Variants in PKHD1L1 observed in about 807,000 individuals in gnomAD.
PKHD1L1 encodes fibrocystin-L.
PKHD1L1 carries 434 observed loss-of-function variants against 462.9 expected under a neutral mutation model. The observed-to-expected ratio is 0.94, with a 90% CI of 0.87 to 1.02. The LOEUF (loss-of-function observed/expected upper bound fraction) is 1.02, where lower values mean the gene tolerates loss of function less well. PKHD1L1 is among the 50% of genes least tolerant of loss of function. PKHD1L1 has a pLI of 0.00. For missense variants in PKHD1L1, 5,202 were observed against 5,096.1 expected, an observed-to-expected ratio of 1.02 and a Z score of -0.63; for synonymous variants, 1,781 against 1,750.0, an observed-to-expected ratio of 1.02 and a Z score of -0.44.
chr8:109,487,031 C>T (rs979205014), intron 59 of PKHD1L1, among the ~76,000 whole-genome samples: 4 of 151,934 alleles, frequency 2.6e-5, no homozygotes, highest in African/African-American at 9.7e-5. Flanking sequence ...AATGAATTAT[C>T]AAATTAACAA....
chr8:109,432,781 A>G (rs568412748), intron 27 of PKHD1L1, among the ~76,000 whole-genome samples: 31 of 152,342 alleles, frequency 2.0e-4, no homozygotes, highest in African/African-American at 6.3e-4. Context: ...AAGTTACCAT[A>G]TAGAGATGTC....
At chr8:109,385,727 G>T in intron 6 of PKHD1L1, 97 bp downstream of exon 6, 6 of 680,208 alleles carry the variant, frequency 8.8e-6, no homozygotes, top group African/African-American at 1.9e-5. Flanking sequence ...CCATTACAAT[G>T]TAATATAACT....
chr8:109,468,464 C>T (rs889333574), intron 50 of PKHD1L1, among the ~76,000 whole-genome samples: 2 of 152,122 alleles, frequency 1.3e-5, no homozygotes, highest in Non-Finnish European at 2.9e-5. Context: ...TTTCTGATGC[C>T]GTAAGACTCA....
chr8:109,455,379 A>G (rs1816762275), intron 45 of PKHD1L1, among the ~76,000 whole-genome samples: 1 of 152,040 alleles, frequency 6.6e-6, no homozygotes, highest in Admixed American at 6.6e-5. Flanking sequence ...AAAACCAAAA[A>G]AACTCAGAAC....
At chr8:109,426,144 C>G (rs1814734682) in intron 24 of PKHD1L1, among the ~76,000 whole-genome samples, 1 of 152,194 alleles carries the variant, frequency 6.6e-6, no homozygotes, top group Non-Finnish European at 1.5e-5. Flanking sequence ...GCTTTATCCA[C>G]TACACTGGTG....
At chr8:109,401,293 G>A (rs115086758) in intron 13 of PKHD1L1, among the ~76,000 whole-genome samples, 2,031 of 150,570 alleles carry the variant, frequency 0.013, 41 homozygotes, top group African/African-American at 0.039. Flanking sequence ...GTGAATGGTA[G>A]AAGGAATGAA....
chr8:109,404,529 A>G (rs1171642903), intron 14 of PKHD1L1, 25 bp from the exon 15 acceptor site: 17 of 1,419,540 alleles, frequency 1.2e-5, no homozygotes, highest in Non-Finnish European at 1.6e-5. Context: ...AAAAAGTTAT[A>G]TTCATTAGTT....
At chr8:109,423,981 T>TACC (rs1814609834) in intron 23 of PKHD1L1, among the ~76,000 whole-genome samples, 1 of 152,206 alleles carries the variant, frequency 6.6e-6, no homozygotes, top group Non-Finnish European at 1.5e-5. Flanking sequence ...GTAATTGATT[T>TACC]TTGTGTCTTT....
rs753156481 is a variant in PKHD1L1 at position 109,389,130 on chromosome 8, T to G, written c.675T>G (p.Cys225Trp). The G allele has an allele frequency of 6.2e-7, 1 of 1,610,700 alleles. No individual in the cohort carries two copies. Among genetic ancestry groups the G allele is most frequent in the Admixed American group, 1.7e-5 (1 of 59,786 alleles). ...ATGGAGATATGGGTTCTATGGTTTG[T>G]AAGACGACTGGAACTTTTATTGGCA... ...HPNGDMGSMV[C>W]KTTGTFIGHH... Residue 225 changes from cysteine to tryptophan, a missense_variant, in exon 8 of 78, where the codon TGT becomes TGG. Cys to Trp is a radical substitution (Grantham distance 215, BLOSUM62 -2). Coordinates refer to ENST00000378402, the MANE Select transcript of PKHD1L1 (RefSeq NM_177531.6).
At chr8:109,467,763 C>A (rs1817525882) in intron 50 of PKHD1L1, among the ~76,000 whole-genome samples, 1 of 152,078 alleles carries the variant, frequency 6.6e-6, no homozygotes, top group South Asian at 2.1e-4. Context: ...ATTGATGAAT[C>A]AAAGATTTGC....
At position 109,381,433 on chromosome 8, in the gene PKHD1L1, A is replaced by G; in HGVS notation, c.227A>G (p.Gln76Arg). 1 of 1,584,008 alleles carries G rather than the reference A, an allele frequency of 6.3e-7. No homozygotes were observed. The highest frequency in any genetic ancestry group is 8.6e-7 in the Non-Finnish European group (1 of 1,163,120). The change falls in exon 3 of 78, where the codon CAA (glutamine) becomes CGA (arginine). Residue 76 changes from glutamine to arginine, a missense_variant. Coordinates refer to ENST00000378402, the MANE Select transcript of PKHD1L1 (RefSeq NM_177531.6). ...AACGCTGAGTTGGGAAACAGTGTGC[A>G]ATTAATTTCTTCTTTCCAGTCAATT... Reference protein sequence around the residue: ...VDNAELGNSVQLISSFQSITC... With the variant: ...VDNAELGNSVRLISSFQSITC...
intron 39 of PKHD1L1, 55 bp from the exon 40 acceptor site, chr8:109,449,283 A>T: frequency 6.7e-7 from 1 of 1,482,586 alleles, no homozygotes; most frequent in Non-Finnish European, 9.0e-7. Context: ...ATATGTACAC[A>T]GAAGAAGTTT....
At position 109,522,253 on chromosome 8, in the gene PKHD1L1, C is replaced by T. The variant is rs1244610136; in HGVS notation, c.12099C>T (p.Asn4033=). 2 of 1,603,446 alleles carry T rather than the reference C, an allele frequency of 1.2e-6. No individual in the cohort carries two copies. Among genetic ancestry groups the T allele is most frequent in the South Asian group, 1.1e-5 (1 of 90,726 alleles). The change falls in exon 74 of 78, where the codon AAC becomes AAT. Residue 4033 remains asparagine (N), a synonymous_variant. Coordinates refer to ENST00000378402, the MANE Select transcript of PKHD1L1 (RefSeq NM_177531.6). ...GSLGQAVILG[N]ISSILGFNIS... ...TTGGACAAGCTGTAATTTTAGGAAA[C>T]ATCAGTAGTATCCTTGGATTTAACA...
At chr8:109,452,387 C>G in intron 42 of PKHD1L1, 107 bp downstream of exon 42, 5 of 1,059,570 alleles carry the variant, frequency 4.7e-6, no homozygotes, top group South Asian at 3.5e-5. Flanking sequence ...AAAAAAATAA[C>G]TGAGCTGTGA....
Position 109,400,321 on chromosome 8 carries a change from C to T in PKHD1L1, c.1258C>T (p.Gln420Ter), listed in dbSNP as rs1813209703. Residue 420 changes from glutamine to a stop codon, truncating the protein, a stop_gained, in exon 13 of 78, where the codon CAG (glutamine) becomes TAG (stop). Coordinates refer to ENST00000378402, the MANE Select transcript of PKHD1L1 (RefSeq NM_177531.6). LOFTEE classifies it high-confidence loss of function. The part of the protein sequence containing the change: ...GDDRYAIYFS[Q>*]TGLPEDKVRI... The stretch of plus-strand genomic sequence containing the variant: ...TGACCGTTATGCTATTTATTTTAGC[C>T]AGACTGGACTTCCAGAAGATAAGGT... 6.2e-7 allele frequency: 1 copy of T among 1,613,076 alleles called. No homozygotes were observed. The highest frequency in any genetic ancestry group is 1.3e-5 in the African/African-American group (1 of 74,960).
At chr8:109,390,673 C>A (rs931038031) in intron 9 of PKHD1L1, among the ~76,000 whole-genome samples, 179 bp downstream of exon 9, 9 of 152,070 alleles carry the variant, frequency 5.9e-5, no homozygotes, top group African/African-American at 2.2e-4. Flanking sequence ...TCATACATAA[C>A]CTTTCTGTTG....
Position 109,518,387 on chromosome 8 carries a change from T to C in PKHD1L1, c.11910T>C (p.Ser3970=), listed in dbSNP as rs1242169769. 6 of 1,613,190 alleles carry C rather than the reference T, an allele frequency of 3.7e-6. No homozygotes were observed. The highest frequency in any genetic ancestry group is 5.1e-6 in the Non-Finnish European group (6 of 1,179,548). The change falls in exon 73 of 78, where the codon AGT becomes AGC. Residue 3970 remains serine (S), a synonymous_variant. Coordinates refer to ENST00000378402, the MANE Select transcript of PKHD1L1 (RefSeq NM_177531.6). ...KNLALFLKIP[S]DKIRISKIRG... is the part of the protein sequence containing the mutation. The stretch of plus-strand genomic sequence containing the variant: ...TTGCCTTGTTCCTAAAGATACCAAG[T>C]GACAAAATCCGTATCAGCAAAATAA...
chr8:109,452,766 T>TGG lies in PKHD1L1; in HGVS notation c.6562_6563dup (p.Lys2189GlufsTer28). ...TGATGCCTGGTCCTCCAATTTCTCA[T>TGG]GGGGGGGAAAATCTCCCCCAGAAGA... On this transcript the variant is annotated frameshift_variant, in exon 43 of 78. Transcript: ENST00000378402. LOFTEE classifies it high-confidence loss of function. 6.5e-7 allele frequency: 1 copy of TGG among 1,541,786 alleles called. No homozygotes were observed. Among genetic ancestry groups the TGG allele is most frequent in the Non-Finnish European group, 8.7e-7 (1 of 1,145,008 alleles).
At position 109,439,153 on chromosome 8, in the gene PKHD1L1, A is replaced by G. The variant is rs577134010; in HGVS notation, c.3956+61A>G. ...AACACATGGGGCTAGTGGAATTGGGATAGGAAAAGAAGTGGGCATTAAGCT... is the reference window on the plus strand; with the variant it reads ...AACACATGGGGCTAGTGGAATTGGGGTAGGAAAAGAAGTGGGCATTAAGCT... On this transcript the variant is annotated intron_variant, in intron 32 of 77. Coordinates refer to ENST00000378402, the MANE Select transcript of PKHD1L1 (RefSeq NM_177531.6). 15 of 1,458,596 alleles carry G rather than the reference A, an allele frequency of 1.0e-5. No individual in the cohort carries two copies. In the East Asian group the frequency reaches 3.2e-4, roughly 31 times the overall value. The allele number at this position is 1,458,596 out of a possible 1,614,324, so 90.4% of individuals were successfully genotyped here. A position where few individuals can be genotyped will look rare whatever the true frequency, so the allele number is the denominator to read the frequency against.
Sources: allele counts gnomAD v4.1 joint callset (sites outside exome capture counted in the v4.1 genomes callset), GRCh38; gene constraint gnomAD v4.1.1; transcripts MANE v1.5; gene names NCBI Gene and HGNC (gene_info 2026-07-23, HGNC 2026-07-21).